The following FLG2 variants were observed in gnomAD, a reference collection of about 807,000 sequenced individuals.
The protein encoded by FLG2 is filaggrin-2.
In FLG2, 7 loss-of-function variants were observed where a neutral mutation model predicts 3.9. That is an observed-to-expected ratio of 1.79 (90% CI 1.02 to 3.36). FLG2 has a LOEUF of 3.36. Ranked by LOEUF, FLG2 falls within the 30% of genes most tolerant of loss-of-function variation. The pLI is 0.00. For missense variants in FLG2, 2,700 were observed against 2,809.4 expected (o/e 0.96, Z 0.88); for synonymous variants, 1,031 against 1,056.1 (o/e 0.98, Z 0.46).
At position 152,356,697 on chromosome 1, in the gene FLG2, T is replaced by C. The variant is rs924060760; in HGVS notation, c.1089A>G (p.Pro363=). 7 of 1,614,204 alleles carry C rather than the reference T, an allele frequency of 4.3e-6. No homozygotes were observed. The highest frequency in any genetic ancestry group is 1.6e-4 in the Middle Eastern group (1 of 6,062). Residue 363 remains proline, a synonymous_variant, in exon 3 of 3, where the codon CCA becomes CCG. Coordinates refer to ENST00000388718, the MANE Select transcript of FLG2 (RefSeq NM_001014342.3). ...RGYGARENGQ[P]QNCGGQWRTG... ...TTCTCCATTGTCCTCCACAGTTCTG[T>C]GGTTGACCATTTTCTCTAGCTCCAT...
chr1:152,351,931 C>A lies in FLG2; in HGVS notation c.5855G>T (p.Gly1952Val). 1 of 1,609,986 alleles carries A rather than the reference C, an allele frequency of 6.2e-7. No individual in the cohort carries two copies. The highest frequency in any genetic ancestry group is 8.5e-7 in the Non-Finnish European group (1 of 1,178,566). ...GTCACTGTACTCACTGTGGCCAGAT[C>A]CCCTTCTTCCAGTTGTCCTGGACCC... ...QTGSRTTGRRGSGHSEYSDSE... is the reference protein window; with the variant it reads ...QTGSRTTGRRVSGHSEYSDSE... The change falls in exon 3 of 3, where the codon GGA becomes GTA. Residue 1952 changes from glycine (G) to valine (V), a missense_variant. Coordinates refer to ENST00000388718, the MANE Select transcript of FLG2 (RefSeq NM_001014342.3).
rs1320950020 is a variant in FLG2, at chr1:152,356,693, T to G, written c.1093A>C (p.Asn365His). The G allele has an allele frequency of 6.2e-7, 1 of 1,614,118 alleles. No homozygotes were observed. Among genetic ancestry groups the G allele is most frequent in the Non-Finnish European group, 8.5e-7 (1 of 1,180,046 alleles). Residue 365 changes from asparagine to histidine, a missense_variant, in exon 3 of 3, where the codon AAC becomes CAC. Transcript: ENST00000388718. ...YGARENGQPQ[N>H]CGGQWRTGSS... The stretch of plus-strand genomic sequence containing the variant: ...CCTGTTCTCCATTGTCCTCCACAGT[T>G]CTGTGGTTGACCATTTTCTCTAGCT...
rs751217894 is a variant in FLG2 at position 152,355,124 on chromosome 1, C to G, written c.2662G>C (p.Gly888Arg). 6.4e-7 allele frequency: 1 copy of G among 1,555,560 alleles called. No individual in the cohort carries two copies. The highest frequency in any genetic ancestry group is 8.7e-7 in the Non-Finnish European group (1 of 1,153,730). ...SGQYSGFGQH[G>R]SGSGQSSGFG... ...CCACTGGACTGACCTGAGCCTGATC[C>G]ATGTTGTCCAAAGCCAGAGTATTGA... Residue 888 changes from glycine (G) to arginine (R), a missense_variant, in exon 3 of 3, where the codon GGA becomes CGA. By Grantham distance (125) the Gly-to-Arg change is moderately radical (BLOSUM62 -2). Coordinates refer to ENST00000388718, the MANE Select transcript of FLG2 (RefSeq NM_001014342.3).
chr1:152,355,516 C>G lies in FLG2; in HGVS notation c.2270G>C (p.Gly757Ala), dbSNP rs1654179399. 1 of 1,613,386 alleles carries G rather than the reference C, an allele frequency of 6.2e-7. No individual in the cohort carries two copies. The highest frequency in any genetic ancestry group is 8.5e-7 in the Non-Finnish European group (1 of 1,179,940). The change falls in exon 3 of 3, where the codon GGC (glycine) becomes GCC (alanine). Residue 757 changes from glycine (G) to alanine (A), a missense_variant. Coordinates refer to ENST00000388718, the MANE Select transcript of FLG2 (RefSeq NM_001014342.3). ...TGATCTAGACTCATGTTGTCCAAAGCCAGAGGATTGTCCTGAGCCAGACCC... is the reference window on the plus strand; with the variant it reads ...TGATCTAGACTCATGTTGTCCAAAGGCAGAGGATTGTCCTGAGCCAGACCC... ...QHGSGSGQSS[G>A]FGQHESRSGQ... is the part of the protein sequence containing the mutation.
In FLG2 at chr1:152,355,042, G is replaced by A. The variant is rs536937747; in HGVS notation, c.2744C>T (p.Ser915Phe). The change falls in exon 3 of 3, where the codon TCT (serine) becomes TTT (phenylalanine). Residue 915 changes from serine (S) to phenylalanine (F), a missense_variant. Physicochemically the swap from Ser to Phe is radical, Grantham distance 155. Transcript: ENST00000388718. ...GCCATAGCTAGACTGATGTGATCTAGACTCATGTTGTCCAAAACCAGAGTA... is the reference window on the plus strand; with the variant it reads ...GCCATAGCTAGACTGATGTGATCTAAACTCATGTTGTCCAAAACCAGAGTA... ...GQYSGFGQHE[S>F]RSHQSSYGQH... 1.7e-5 allele frequency: 27 copies of A among 1,557,076 alleles called. No individual in the cohort carries two copies. Among genetic ancestry groups the A allele is most frequent in the Non-Finnish European group, 1.3e-5 (15 of 1,151,900 alleles).
chr1:152,351,952 G>T lies in FLG2; in HGVS notation c.5834C>A (p.Ser1945Tyr), dbSNP rs1461984475. 16 of 1,613,636 alleles carry T rather than the reference G, an allele frequency of 9.9e-6. No homozygotes were observed. Among genetic ancestry groups the T allele is most frequent in the Non-Finnish European group, 1.3e-5 (15 of 1,179,946 alleles). The change falls in exon 3 of 3, where the codon TCC becomes TAC. Residue 1945 changes from serine (S) to tyrosine (Y), a missense_variant. Physicochemically the swap from Ser to Tyr is moderately radical, Grantham distance 144. Transcript: ENST00000388718. The part of the protein sequence containing the change: ...PSHGQTIQTG[S>Y]RTTGRRGSGH... ...AGATCCCCTTCTTCCAGTTGTCCTG[G>T]ACCCTGTCTGTATGGTTTGTCCATG...
Position 152,349,681 on chromosome 1 carries a change from A to AT in FLG2, c.*928dup, listed in dbSNP as rs1298044958. 1 of 152,606 alleles carries AT rather than the reference A, an allele frequency of 6.6e-6. No individual in the cohort carries two copies. The highest frequency in any genetic ancestry group is 1.5e-5 in the Non-Finnish European group (1 of 68,046). The allele number at this position is 152,606 out of a possible 1,614,324, so 9.5% of individuals were successfully genotyped here. ...TTATGTTGGCTTCTTATTCAAAGTA[A>AT]TAACTCCTTTGTTCTTGGACATATT... is the stretch of plus-strand genomic sequence containing the variant. On this transcript the variant is annotated 3_prime_UTR_variant, in exon 3 of 3. Coordinates refer to ENST00000388718, the MANE Select transcript of FLG2 (RefSeq NM_001014342.3).
intron 2 of FLG2, 34 bp from the exon 3 acceptor site, chr1:152,357,681 T>C: frequency 3.3e-6 from 5 of 1,527,970 alleles, no homozygotes; most frequent in Non-Finnish European, 4.5e-6. Context: ...GGAGACCTGG[T>C]CAGCCTAACC....
Position 152,350,910 on chromosome 1 carries a change from C to G in FLG2, c.6876G>C (p.Gly2292=). The change falls in exon 3 of 3, where the codon GGG becomes GGC. Residue 2292 remains glycine, a synonymous_variant. Transcript: ENST00000388718. The stretch of plus-strand genomic sequence containing the variant: ...TCTGTCCATGAGTAGTTTCCAGTCT[C>G]CCATGAACTGTGGATCCTGGCTGTC... ...QQRQPGSTVH[G]RLETTHGQTG... 6.2e-7 allele frequency: 1 copy of G among 1,613,772 alleles called. No individual in the cohort carries two copies. The highest frequency in any genetic ancestry group is 8.5e-7 in the Non-Finnish European group (1 of 1,179,944).
At chr1:152,358,984 G>A in intron 1 of FLG2, 78 bp from the exon 2 acceptor site, 1 of 1,349,440 alleles carries the variant, frequency 7.4e-7, no homozygotes, top group South Asian at 1.5e-5. Context: ...ATAATAACCA[G>A]CATGATTTTT....
Position 152,351,491 on chromosome 1 carries a change from C to T in FLG2, c.6295G>A (p.Gly2099Arg), listed in dbSNP as rs1426594776. ...QSTQRGSRTA[G>R]RRGSGHSESS... The stretch of plus-strand genomic sequence containing the variant: ...TCACTGTGGCCAGATCCCCTTCTTC[C>T]AGCTGTCCTTGACCCTCTCTGTGTG... Residue 2099 changes from glycine (G) to arginine (R), a missense_variant, in exon 3 of 3, where the codon GGA becomes AGA. Physicochemically the swap from Gly to Arg is moderately radical, Grantham distance 125 (BLOSUM62 -2). Coordinates refer to ENST00000388718, the MANE Select transcript of FLG2 (RefSeq NM_001014342.3). 4 of 1,612,518 alleles carry T rather than the reference C, an allele frequency of 2.5e-6. No homozygotes were observed. Among genetic ancestry groups the T allele is most frequent in the Non-Finnish European group, 3.4e-6 (4 of 1,179,616 alleles).
rs751228005 is a variant in FLG2 at position 152,352,769 on chromosome 1, T to C, written c.5017A>G (p.Thr1673Ala). 1.2e-6 allele frequency: 2 copies of C among 1,613,806 alleles called. No homozygotes were observed. Among genetic ancestry groups the C allele is most frequent in the African/African-American group, 1.3e-5 (1 of 74,894 alleles). ...TGTTGAGATCCAGCTTGACCATGAG[T>C]GTGTCCTGTATGTGTGTGTGAGACC... is the stretch of plus-strand genomic sequence containing the variant. ...SGVSHTHTGH[T>A]HGQAGSQHGQ... Residue 1673 changes from threonine (T) to alanine (A), a missense_variant, in exon 3 of 3, where the codon ACT becomes GCT. Physicochemically the swap from Thr to Ala is moderately conservative, Grantham distance 58 (BLOSUM62 0). Transcript: ENST00000388718.
At chr1:152,357,733 T>G in intron 2 of FLG2, 86 bp from the exon 3 acceptor site, 1 of 938,964 alleles carries the variant, frequency 1.1e-6, no homozygotes, top group South Asian at 1.6e-5. Flanking sequence ...TGTGAAATTA[T>G]GGATGTTTGA....
In FLG2 at chr1:152,356,706, A is replaced by G; in HGVS notation, c.1080T>C (p.Asn360=). 1 of 1,614,064 alleles carries G rather than the reference A, an allele frequency of 6.2e-7. No homozygotes were observed. Among genetic ancestry groups the G allele is most frequent in the Non-Finnish European group, 8.5e-7 (1 of 1,179,994 alleles). The part of the protein sequence containing the change: ...YSQRGYGARE[N]GQPQNCGGQW... ...GTCCTCCACAGTTCTGTGGTTGACCATTTTCTCTAGCTCCATATCCTCTCT... is the reference window on the plus strand; with the variant it reads ...GTCCTCCACAGTTCTGTGGTTGACCGTTTTCTCTAGCTCCATATCCTCTCT... Residue 360 remains asparagine, a synonymous_variant, in exon 3 of 3, where the codon AAT becomes AAC. Coordinates refer to ENST00000388718, the MANE Select transcript of FLG2 (RefSeq NM_001014342.3).
chr1:152,356,389 T>G lies in FLG2; in HGVS notation c.1397A>C (p.Tyr466Ser). The G allele has an allele frequency of 6.2e-7, 1 of 1,614,148 alleles. No individual in the cohort carries two copies. The highest frequency in any genetic ancestry group is 8.5e-7 in the Non-Finnish European group (1 of 1,180,012). Residue 466 changes from tyrosine (Y) to serine (S), a missense_variant, in exon 3 of 3, where the codon TAT (tyrosine) becomes TCT (serine). Tyr to Ser is a moderately radical substitution (Grantham distance 144, BLOSUM62 -2). Coordinates refer to ENST00000388718, the MANE Select transcript of FLG2 (RefSeq NM_001014342.3). ...ACCTGAGCTAGACCCATGCTGGTCA[T>G]AGCCCAAGGATTGACTTGATGTAGA... Reference protein sequence around the residue: ...HESTSSQSLGYDQHGSSSGKT... With the variant: ...HESTSSQSLGSDQHGSSSGKT...
rs760106637 is a variant in FLG2 at position 152,354,812 on chromosome 1, A to C, written c.2974T>G (p.Ser992Ala). 5 of 1,612,480 alleles carry C rather than the reference A, an allele frequency of 3.1e-6. No homozygotes were observed. In the East Asian group the frequency reaches 1.1e-4, roughly 36 times the overall value. Residue 992 changes from serine (S) to alanine (A), a missense_variant, in exon 3 of 3, where the codon TCT becomes GCT. Ser to Ala is a moderately conservative substitution (Grantham distance 99). Transcript: ENST00000388718. ...CCATAATTAGACTGACTTGATCTAG[A>C]CTCATGCTGTCCAAAGCCAGAGGAT... ...GKSSGFGQHE[S>A]RSSQSNYGQH...
chr1:152,356,019 C>G lies in FLG2; in HGVS notation c.1767G>C (p.Gln589His), dbSNP rs761773696. Residue 589 changes from glutamine to histidine, a missense_variant, in exon 3 of 3, where the codon CAG becomes CAC. By Grantham distance (24) the Gln-to-His change is conservative. Coordinates refer to ENST00000388718, the MANE Select transcript of FLG2 (RefSeq NM_001014342.3). ...GFGQYGSGSG[Q>H]SSGFGQHGSG... is the part of the protein sequence containing the mutation. Reference sequence around the variant, plus strand: ...ACCCATGTTGTCCAAAGCCAGAGGACTGACCTGAGCCCGATCCATATTGGC... The same window carrying G: ...ACCCATGTTGTCCAAAGCCAGAGGAGTGACCTGAGCCCGATCCATATTGGC... 1 of 1,613,422 alleles carries G rather than the reference C, an allele frequency of 6.2e-7. No individual in the cohort carries two copies. Among genetic ancestry groups the G allele is most frequent in the East Asian group, 2.2e-5 (1 of 44,866 alleles).
At position 152,354,124 on chromosome 1, in the gene FLG2, C is replaced by T; in HGVS notation, c.3662G>A (p.Gly1221Asp). The change falls in exon 3 of 3, where the codon GGT becomes GAT. Residue 1221 changes from glycine (G) to aspartate (D), a missense_variant. Physicochemically the swap from Gly to Asp is moderately conservative, Grantham distance 94. Transcript: ENST00000388718. ...TCCTGACTCTACTTGTTGAGATTCA[C>T]CCTGGCCCAAGCCAGTTGATTGACC... ...GSGQSTGLGQ[G>D]ESQQVESGST... 6.2e-7 allele frequency: 1 copy of T among 1,614,274 alleles called. No homozygotes were observed. The highest frequency in any genetic ancestry group is 8.5e-7 in the Non-Finnish European group (1 of 1,180,054).
In FLG2 at chr1:152,354,187, C is replaced by A. The variant is rs767809942; in HGVS notation, c.3599G>T (p.Gly1200Val). 1.8e-5 allele frequency: 29 copies of A among 1,614,122 alleles called. No individual in the cohort carries two copies. The highest frequency in any genetic ancestry group is 2.5e-5 in the Non-Finnish European group (29 of 1,180,056). ...ATATTGGCCAAATCCAGTGGACTGA[C>A]CTGAGTCAGATATATGTTGTCCAGA... ...SSSGQHISDS[G>V]QSTGFGQYGS... Residue 1200 changes from glycine (G) to valine (V), a missense_variant, in exon 3 of 3, where the codon GGT becomes GTT. Transcript: ENST00000388718.
Sources: allele counts gnomAD v4.1 joint callset, GRCh38; gene constraint gnomAD v4.1.1; transcripts MANE v1.5; gene names NCBI Gene and HGNC (gene_info 2026-07-23, HGNC 2026-07-21).